CLN8: variants seen among roughly 807,000 people sequenced by gnomAD.
CLN8 encodes CLN8 transmembrane ER and ERGIC protein.
In CLN8, 14 loss-of-function variants were observed where a neutral mutation model predicts 15.7. That is an observed-to-expected ratio of 0.89 (90% CI 0.59 to 1.39). CLN8 has a LOEUF of 1.39. Among genes scored for constraint, CLN8 ranks in the 40% most tolerant of loss-of-function variants. CLN8 has a pLI of 0.00. For synonymous variants in CLN8, 188 were observed against 151.0 expected (o/e 1.25, Z -1.80); for missense variants, 415 against 364.0 (o/e 1.14, Z -1.14).
At chr8:1,756,564 T>G (rs748652350) in intron 1 of CLN8, among the ~76,000 whole-genome samples, 1 of 152,008 alleles carries the variant, frequency 6.6e-6, no homozygotes, top group Non-Finnish European at 1.5e-5. Context: ...TTATGCTGTA[T>G]GTTTGGGGGA....
At chr8:1,762,220 C>G (rs1800815446), upstream of CLN8, 1 of 152,052 alleles carries the variant, frequency 6.6e-6, no homozygotes, top group South Asian at 2.1e-4. Flanking sequence ...GAGTTTCATT[C>G]TTGTTGCCCA....
At chr8:1,764,730 A>C (rs921349907) in intron 1 of CLN8, 2 of 152,638 alleles carry the variant, frequency 1.3e-5, no homozygotes, top group African/African-American at 4.8e-5. Context: ...TCTGGGCCCT[A>C]TAGCCAGCTG....
upstream of CLN8, among the ~76,000 whole-genome samples, chr8:1,753,840 C>G (rs1025050918): frequency 6.6e-6 from 1 of 151,236 alleles, no homozygotes; most frequent in African/African-American, 2.4e-5. Context: ...GAGCTGAGAT[C>G]GCGCCATTGC....
upstream of CLN8, among the ~76,000 whole-genome samples, chr8:1,755,355 G>C (rs772668250): frequency 6.6e-6 from 1 of 151,992 alleles, no homozygotes; most frequent in South Asian, 2.1e-4. Flanking sequence ...ATCCCCACCC[G>C]ACTCCCCTCG....
intron 2 of CLN8, among the ~76,000 whole-genome samples, chr8:1,776,750 T>G (rs370674063): frequency 4.3e-4 from 65 of 152,342 alleles, no homozygotes; most frequent in African/African-American, 1.4e-3. Context: ...TGCATAGGTC[T>G]GTGCCTGACT....
chr8:1,767,043 G>T (rs1247810635), intron 1 of CLN8, among the ~76,000 whole-genome samples: 1 of 152,260 alleles, frequency 6.6e-6, no homozygotes, highest in East Asian at 1.9e-4. Flanking sequence ...ACTCCAGGAA[G>T]ACTGGGCGCT....
intron 2 of CLN8, among the ~76,000 whole-genome samples, chr8:1,777,352 G>T (rs1585147491): frequency 6.6e-6 from 1 of 152,306 alleles, no homozygotes; most frequent in South Asian, 2.1e-4. Context: ...ACAATGAGTG[G>T]TGAGTGTGAG....
At chr8:1,772,826 A>G in intron 2 of CLN8, 1 of 396,180 alleles carries the variant, frequency 2.5e-6, no homozygotes, top group Middle Eastern at 6.4e-4. Context: ...ATGACCCATC[A>G]CATTGTTTAT....
At chr8:1,779,907 C>G in intron 2 of CLN8, 2 of 973,778 alleles carry the variant, frequency 2.1e-6, no homozygotes, top group Non-Finnish European at 2.4e-6. Context: ...TGTTTATTTA[C>G]TTAATATGAG....
At chr8:1,772,461 A>C (rs1182996231) in intron 2 of CLN8, among the ~76,000 whole-genome samples, 1 of 151,574 alleles carries the variant, frequency 6.6e-6, no homozygotes, top group African/African-American at 2.4e-5. Context: ...AAACTCTTTA[A>C]ACTTTTTTTC....
intron 2 of CLN8, among the ~76,000 whole-genome samples, chr8:1,777,957 C>A (rs1304809624): frequency 6.6e-6 from 1 of 152,234 alleles, no homozygotes; most frequent in Non-Finnish European, 1.5e-5. Context: ...ACTGTCTATA[C>A]ACTGTGCGTT....
In CLN8 at chr8:1,785,842, C is replaced by T; in HGVS notation, c.*5275C>T. 6.2e-6 allele frequency: 1 copy of T among 160,300 alleles called. No homozygotes were observed. Among genetic ancestry groups the T allele is most frequent in the Non-Finnish European group, 1.4e-5 (1 of 72,144 alleles). 9.9% of individuals were successfully genotyped at this position (160,300 alleles called of 1,614,324 possible). On this transcript the variant is annotated 3_prime_UTR_variant, in exon 3 of 3. Coordinates refer to ENST00000331222, the MANE Select transcript of CLN8 (RefSeq NM_018941.4). ...GCTTCGGCAGTAAAGACAGGACGCA[C>T]CCATGTCACAAGAGGAGCACAGGCA...
In CLN8 at chr8:1,771,166, G is replaced by T. The variant is rs370199508; in HGVS notation, c.112G>T (p.Val38Phe). ...MVAGFVFYLG[V>F]FVVCHQLSSS... Reference sequence around the variant, plus strand: ...CGCTGGCTTTGTCTTCTACTTGGGCGTCTTTGTGGTCTGCCACCAGCTGTC... The same window carrying T: ...CGCTGGCTTTGTCTTCTACTTGGGCTTCTTTGTGGTCTGCCACCAGCTGTC... The change falls in exon 2 of 3, where the codon GTC (valine) becomes TTC (phenylalanine). Residue 38 changes from valine (V) to phenylalanine (F), a missense_variant. By Grantham distance (50) the Val-to-Phe change is conservative (BLOSUM62 -1). Coordinates refer to ENST00000331222, the MANE Select transcript of CLN8 (RefSeq NM_018941.4). The T allele has an allele frequency of 1.4e-5, 22 of 1,614,006 alleles. No individual in the cohort carries two copies. The South Asian group carries it at 2.2e-4, about 16-fold the overall frequency.
rs35380336 is a variant in CLN8, at chr8:1,785,736, C to T, written c.*5169C>T. Reference sequence around the variant, plus strand: ...AGGCTGCGTGGGGTTAGACAGGTACCGGTCAGATTACGGTGGCACAGGCGG... The same window carrying T: ...AGGCTGCGTGGGGTTAGACAGGTACTGGTCAGATTACGGTGGCACAGGCGG... On this transcript the variant is annotated 3_prime_UTR_variant, in exon 3 of 3. Transcript: ENST00000331222. 1,414 of 159,558 alleles carry T rather than the reference C, an allele frequency of 8.9e-3. 6 individuals are homozygous for T. The highest frequency in any genetic ancestry group is 0.042 in the South Asian group (302 of 7,204). The allele number at this position is 159,558 out of a possible 1,614,324, so 9.9% of individuals were successfully genotyped here. A position where few individuals can be genotyped will look rare whatever the true frequency, so the allele number is the denominator to read the frequency against.
intron 2 of CLN8, among the ~76,000 whole-genome samples, chr8:1,772,021 C>A (rs1801329427): frequency 1.3e-5 from 2 of 152,116 alleles, no homozygotes; most frequent in South Asian, 4.1e-4. Context: ...CTGCAACCTC[C>A]GCCTCCTGGG....
chr8:1,777,563 G>A (rs1052018050), intron 2 of CLN8, among the ~76,000 whole-genome samples: 9 of 151,704 alleles, frequency 5.9e-5, no homozygotes, highest in Admixed American at 1.3e-4. Flanking sequence ...TACATTGTGT[G>A]TATATATATA....
upstream of CLN8, among the ~76,000 whole-genome samples, chr8:1,761,417 A>G (rs1315681688): frequency 6.6e-6 from 1 of 152,048 alleles, no homozygotes; most frequent in Non-Finnish European, 1.5e-5. Context: ...CTCCGCCTTC[A>G]GGGTTCAAGC....
upstream of CLN8, among the ~76,000 whole-genome samples, chr8:1,761,200 C>T (rs943715210): frequency 6.6e-6 from 1 of 151,724 alleles, no homozygotes; most frequent in African/African-American, 2.4e-5. Flanking sequence ...GTTGCCTACA[C>T]AGAGCTGATT....
chr8:1,778,167 T>C (rs1563112822), intron 2 of CLN8, among the ~76,000 whole-genome samples: 1 of 152,198 alleles, frequency 6.6e-6, no homozygotes, highest in Non-Finnish European at 1.5e-5. Context: ...AGAGTGACTA[T>C]ACTGTTTACC....
Sources: gnomAD v4.1 joint callset for allele counts (sites outside exome capture counted in the v4.1 genomes callset) on GRCh38, gnomAD v4.1.1 for gene constraint, MANE v1.5 for transcripts, NCBI Gene and HGNC (gene_info 2026-07-23, HGNC 2026-07-21) for gene names.